Variants in ACOXL observed in about 807,000 individuals in gnomAD.
The protein encoded by ACOXL is acyl-CoA oxidase like.
A neutral mutation model predicts 71.9 loss-of-function variants in ACOXL; 70 were observed. The ratio of observed to expected loss-of-function variants is 0.97; its 90% CI spans 0.80 to 1.19. The LOEUF (loss-of-function observed/expected upper bound fraction) is 1.19. Ranked by LOEUF, ACOXL falls within the 50% of genes most tolerant of loss-of-function variation. The probability of loss-of-function intolerance (pLI) is 0.00; values close to 1 mark genes in which losing one functional copy is unlikely to be tolerated. For synonymous variants in ACOXL, 253 were observed against 281.6 expected (o/e 0.90, Z 1.02); for missense variants, 703 against 736.3 (o/e 0.95, Z 0.52).
intron 10 of ACOXL, among the ~76,000 whole-genome samples, chr2:110,883,205 G>T (rs1696884327): frequency 6.7e-6 from 1 of 148,734 alleles, no homozygotes; most frequent in Non-Finnish European, 1.5e-5. Context: ...CACTTCCTGG[G>T]TTCAAGCAAT....
At chr2:111,108,622 C>T (rs2150073083) in intron 17 of ACOXL, among the ~76,000 whole-genome samples, 1 of 152,286 alleles carries the variant, frequency 6.6e-6, no homozygotes, top group East Asian at 1.9e-4. Context: ...GTGATACCGC[C>T]CGCCTTGGCC....
intron 9 of ACOXL, among the ~76,000 whole-genome samples, chr2:110,828,163 G>T (rs532846657): frequency 1.3e-5 from 2 of 152,054 alleles, no homozygotes; most frequent in African/African-American, 4.8e-5. Context: ...GAAGAGACAG[G>T]GTCTTACTAT....
At chr2:111,074,158 G>A (rs2067482648) in intron 16 of ACOXL, among the ~76,000 whole-genome samples, 1 of 148,820 alleles carries the variant, frequency 6.7e-6, no homozygotes. Context: ...GACATTTACT[G>A]TGTGTTGTTT....
intron 16 of ACOXL, among the ~76,000 whole-genome samples, chr2:111,067,407 A>G (rs2067125923): frequency 6.6e-6 from 1 of 152,232 alleles, no homozygotes; most frequent in Non-Finnish European, 1.5e-5. Context: ...GTGCTATGAA[A>G]AAAATAAATA....
intron 9 of ACOXL, among the ~76,000 whole-genome samples, chr2:110,823,831 ATTG>A (rs752528678): frequency 8.6e-5 from 13 of 151,880 alleles, no homozygotes; most frequent in Non-Finnish European, 1.9e-4. Flanking sequence ...TTGTTTTCTT[ATTG>A]TTAGTTTTAA....
At chr2:110,914,926 A>T (rs2149263568) in intron 11 of ACOXL, among the ~76,000 whole-genome samples, 1 of 152,334 alleles carries the variant, frequency 6.6e-6, no homozygotes, top group East Asian at 1.9e-4. Context: ...TAATGCAGAC[A>T]TGCAATTTGA....
At chr2:110,925,777 C>A (rs2060246322) in intron 11 of ACOXL, among the ~76,000 whole-genome samples, 1 of 150,000 alleles carries the variant, frequency 6.7e-6, no homozygotes, top group Non-Finnish European at 1.5e-5. Context: ...TTGGCTAACT[C>A]TTTGACACAA....
chr2:111,107,352 A>G (rs2069616133), intron 17 of ACOXL, among the ~76,000 whole-genome samples: 1 of 152,246 alleles, frequency 6.6e-6, no homozygotes, highest in Non-Finnish European at 1.5e-5. Flanking sequence ...GAATCTTCTA[A>G]GATTTGTTTT....
intron 11 of ACOXL, among the ~76,000 whole-genome samples, chr2:110,921,974 C>T (rs1197063283): frequency 1.3e-5 from 2 of 152,020 alleles, no homozygotes; most frequent in Non-Finnish European, 2.9e-5. Flanking sequence ...AAATAGTGTT[C>T]TATGTACACT....
intron 12 of ACOXL, chr2:110,968,361 T>C (rs2062024240): frequency 8.9e-7 from 1 of 1,129,066 alleles, no homozygotes; most frequent in Non-Finnish European, 1.3e-6. Flanking sequence ...TCTCTCATAG[T>C]ACCAGATGAT....
chr2:111,084,124 C>T (rs1157789083), intron 16 of ACOXL, among the ~76,000 whole-genome samples: 1 of 151,928 alleles, frequency 6.6e-6, no homozygotes, highest in Non-Finnish European at 1.5e-5. Flanking sequence ...CCCAGGAGTT[C>T]AAGACCAGCC....
At chr2:110,882,377 A>C (rs1455283476) in intron 10 of ACOXL, among the ~76,000 whole-genome samples, 1 of 152,226 alleles carries the variant, frequency 6.6e-6, no homozygotes, top group Non-Finnish European at 1.5e-5. Flanking sequence ...GTGCTTTATC[A>C]GATATGCCTT....
chr2:110,831,544 C>G lies in ACOXL; in HGVS notation c.754-9827C>G, dbSNP rs56007604. Among the ~76,000 whole-genome samples the G allele has an allele frequency of 8.6e-3, 1,302 of 152,236 alleles. 13 individuals are homozygous for G. The highest frequency in any genetic ancestry group is 0.03 in the African/African-American group (1,226 of 41,538). On this transcript the variant is annotated intron_variant, in intron 9 of 17. Coordinates refer to ENST00000439055, the MANE Select transcript of ACOXL (RefSeq NM_001142807.4). ...AATTCTCCTCAGATTTAATGCAATT[C>G]CTATCAAAATCTCAGCAAGGTTTTA...
intron 15 of ACOXL, 72 bp downstream of exon 15, chr2:111,031,786 T>G (rs2065283323): frequency 6.8e-7 from 1 of 1,471,828 alleles, no homozygotes; most frequent in Non-Finnish European, 9.5e-7. Flanking sequence ...GACACAGCTC[T>G]GCAGGGAAAG....
intron 17 of ACOXL, among the ~76,000 whole-genome samples, chr2:111,095,174 A>C (rs2068735840): frequency 6.6e-6 from 1 of 151,412 alleles, no homozygotes; most frequent in African/African-American, 2.4e-5. Context: ...ACTATTTCCC[A>C]CAAAGAGAGT....
At chr2:110,875,646 A>G (rs979085750) in intron 10 of ACOXL, among the ~76,000 whole-genome samples, 4 of 152,064 alleles carry the variant, frequency 2.6e-5, no homozygotes, top group African/African-American at 4.8e-5. Context: ...CTATCATTCC[A>G]AAGGGAAAGC....
At chr2:110,861,471 T>C (rs974545536) in intron 10 of ACOXL, among the ~76,000 whole-genome samples, 1 of 152,096 alleles carries the variant, frequency 6.6e-6, no homozygotes, top group African/African-American at 2.4e-5. Context: ...TGAACACTGC[T>C]CCCTGGCTGC....
intron 12 of ACOXL, among the ~76,000 whole-genome samples, chr2:110,980,432 G>A (rs979131003): frequency 3.3e-5 from 5 of 152,302 alleles, no homozygotes; most frequent in African/African-American, 1.2e-4. Flanking sequence ...GATGGGAAGC[G>A]AAGGGAAGAA....
chr2:110,862,235 G>A (rs1326915013), intron 10 of ACOXL, among the ~76,000 whole-genome samples: 2 of 152,178 alleles, frequency 1.3e-5, no homozygotes, highest in East Asian at 3.8e-4. Flanking sequence ...GTGCTTCCCT[G>A]GAAGCTTGGC....
Sources: gnomAD v4.1 joint callset for allele counts (sites outside exome capture counted in the v4.1 genomes callset) on GRCh38, gnomAD v4.1.1 for gene constraint, MANE v1.5 for transcripts, NCBI Gene and HGNC (gene_info 2026-07-23, HGNC 2026-07-21) for gene names.